MAGI2: variants seen among roughly 807,000 people sequenced by gnomAD.
MAGI2 encodes membrane-associated guanylate kinase, WW and PDZ domain-containing protein 2.
MAGI2 carries 35 observed loss-of-function variants against 133.3 expected under a neutral mutation model. The observed-to-expected ratio is 0.26, with a 90% CI of 0.20 to 0.35. MAGI2 has a LOEUF of 0.35. Among genes scored for constraint, MAGI2 ranks in the 10% least tolerant of loss-of-function variants. The pLI, the probability that MAGI2 is intolerant of heterozygous loss-of-function variation, is 1.00. For missense variants in MAGI2, 1,636 were observed against 1,863.4 expected, an observed-to-expected ratio of 0.88 and a Z score of 2.25; for synonymous variants, 729 against 710.6, an observed-to-expected ratio of 1.03 and a Z score of -0.41.
At chr7:78,208,558 G>C (rs1787359590) in intron 10 of MAGI2, among the ~76,000 whole-genome samples, 1 of 152,076 alleles carries the variant, frequency 6.6e-6, no homozygotes, top group African/African-American at 2.4e-5. Flanking sequence ...AAGATAAGGG[G>C]AATAAAGAGA....
At chr7:79,060,818 A>G (rs1156999729) in intron 1 of MAGI2, among the ~76,000 whole-genome samples, 3 of 152,106 alleles carry the variant, frequency 2.0e-5, no homozygotes, top group African/African-American at 7.2e-5. Flanking sequence ...ATATGAGTAC[A>G]ACAAATCCCA....
intron 9 of MAGI2, among the ~76,000 whole-genome samples, chr7:78,286,597 A>C (rs1226689823): frequency 6.6e-6 from 1 of 152,112 alleles, no homozygotes; most frequent in Admixed American, 6.6e-5. Context: ...TTGCAGGATT[A>C]TGATAAACTT....
intron 2 of MAGI2, among the ~76,000 whole-genome samples, chr7:78,721,716 A>C (rs1820285793): frequency 6.6e-6 from 1 of 152,036 alleles, no homozygotes; most frequent in Non-Finnish European, 1.5e-5. Context: ...GATTATATCA[A>C]GGCTGAAGGG....
At chr7:78,131,107 C>T (rs1821515556) in intron 18 of MAGI2, among the ~76,000 whole-genome samples, 1 of 152,198 alleles carries the variant, frequency 6.6e-6, no homozygotes, top group Admixed American at 6.5e-5. Context: ...TCGGGGACTG[C>T]TGGGGTGCTC....
chr7:78,515,848 G>A (rs182794812), intron 4 of MAGI2, among the ~76,000 whole-genome samples: 310 of 151,392 alleles, frequency 2.0e-3, no homozygotes, highest in Middle Eastern at 3.4e-3. Flanking sequence ...TTGGTGAACC[G>A]AGATCACACC....
intron 2 of MAGI2, among the ~76,000 whole-genome samples, chr7:78,703,945 T>C (rs1335948658): frequency 6.6e-6 from 1 of 151,848 alleles, no homozygotes; most frequent in Non-Finnish European, 1.5e-5. Context: ...AAGGCTTAAA[T>C]GTAAAACCTG....
In MAGI2 at chr7:79,146,531, T is replaced by A. The variant is rs114396923; in HGVS notation, c.302-139325A>T. On this transcript the variant is annotated intron_variant, in intron 1 of 21. Transcript: ENST00000354212. ...CTTGAATTGTAATAATCCCTACTTG[T>A]CAAGGGTGGAGCCAGGTGAAGATAA... is the stretch of plus-strand genomic sequence containing the variant. Among the ~76,000 whole-genome samples the A allele has an allele frequency of 8.3e-3, 1,269 of 152,310 alleles. 21 individuals are homozygous for A. Among genetic ancestry groups the A allele is most frequent in the African/African-American group, 0.029 (1,204 of 41,570 alleles).
intron 2 of MAGI2, among the ~76,000 whole-genome samples, chr7:78,867,719 A>AGAAAGAAAGAAG (rs1794693807): frequency 6.6e-6 from 1 of 151,976 alleles, no homozygotes; most frequent in Admixed American, 6.6e-5. Flanking sequence ...AAAGAAAGAA[A>AGAAAGAAAGAAG]GAAAATTTGA....
intron 1 of MAGI2, among the ~76,000 whole-genome samples, chr7:79,333,554 T>C (rs1291527799): frequency 6.6e-6 from 1 of 152,244 alleles, no homozygotes; most frequent in Non-Finnish European, 1.5e-5. Flanking sequence ...ATTTTACAAT[T>C]TCTTATTAAG....
At chr7:78,219,347 T>C (rs1030102323) in intron 10 of MAGI2, among the ~76,000 whole-genome samples, 5 of 152,188 alleles carry the variant, frequency 3.3e-5, no homozygotes, top group Admixed American at 6.5e-5. Flanking sequence ...TGCATATTGA[T>C]TGAATGGCTA....
At chr7:79,399,086 TTTTCTTTTC>T (rs1394413851) in intron 1 of MAGI2, among the ~76,000 whole-genome samples, 1 of 136,732 alleles carries the variant, frequency 7.3e-6, no homozygotes, top group African/African-American at 3.2e-5. Context: ...TTTCTTTTTT[TTTTCTTTTC>T]TTTTTTTTTT....
intron 2 of MAGI2, among the ~76,000 whole-genome samples, chr7:78,689,316 C>A (rs1816704919): frequency 6.6e-6 from 1 of 152,068 alleles, no homozygotes; most frequent in Non-Finnish European, 1.5e-5. Context: ...CTGTAATATT[C>A]TCAAAACTCA....
At chr7:79,312,878 G>A (rs748805515) in intron 1 of MAGI2, among the ~76,000 whole-genome samples, 22 of 152,060 alleles carry the variant, frequency 1.4e-4, no homozygotes, top group South Asian at 4.1e-4. Flanking sequence ...CAGTTGCACC[G>A]TACAGGCACC....
chr7:78,194,993 A>C lies in MAGI2; in HGVS notation c.2150T>G (p.Leu717Arg), dbSNP rs1342807955. The change falls in exon 12 of 22, where the codon CTG becomes CGG. Residue 717 changes from leucine to arginine, a missense_variant. Physicochemically the swap from Leu to Arg is moderately radical, Grantham distance 102. Coordinates refer to ENST00000354212, the MANE Select transcript of MAGI2 (RefSeq NM_012301.4). Reference protein sequence around the residue: ...SLSAPAIPQNLPFPPALHRSS... With the variant: ...SLSAPAIPQNRPFPPALHRSS... ...CCTGTGAAGGGCAGGTGGGAAGGGC[A>C]GGTTCTGCGGTATGGCCGGAGCAGA... The C allele has an allele frequency of 6.2e-7, 1 of 1,614,136 alleles. No individual in the cohort carries two copies. The highest frequency in any genetic ancestry group is 1.7e-5 in the Admixed American group (1 of 60,016).
At chr7:79,044,986 G>A (rs1812038879) in intron 1 of MAGI2, among the ~76,000 whole-genome samples, 1 of 152,176 alleles carries the variant, frequency 6.6e-6, no homozygotes, top group African/African-American at 2.4e-5. Flanking sequence ...TTACTTGAAT[G>A]TTCTTAGCAA....
At chr7:78,659,452 G>GCAAAA (rs1324855899) in intron 2 of MAGI2, among the ~76,000 whole-genome samples, 5 of 65,076 alleles carry the variant, frequency 7.7e-5, no homozygotes, top group Admixed American at 4.5e-4. Flanking sequence ...AAAAAAAAAA[G>GCAAAA]CAAAACAAAA....
Position 79,011,287 on chromosome 7 carries a change from C to T in MAGI2, c.302-4081G>A, listed in dbSNP as rs117851011. On this transcript the variant is annotated intron_variant, in intron 1 of 21. Transcript: ENST00000354212. ...CTTTGTCATTTCTATTACTTGAATA[C>T]GTAGACTGAGGAAACAAAGGAAGAA... Among the ~76,000 whole-genome samples, 943 of 152,190 alleles carry T rather than the reference C, an allele frequency of 6.2e-3. 9 individuals carry two copies. The highest frequency in any genetic ancestry group is 0.011 in the East Asian group (55 of 5,172).
chr7:78,070,600 ATATGTG>A (rs1563081630), intron 21 of MAGI2, among the ~76,000 whole-genome samples: 158 of 48,384 alleles, frequency 3.3e-3, no homozygotes, highest in Middle Eastern at 0.015. Flanking sequence ...ATATGTGTAT[ATATGTG>A]TATATATATA....
chr7:78,595,469 G>A (rs1289409360), intron 3 of MAGI2, among the ~76,000 whole-genome samples: 2 of 152,146 alleles, frequency 1.3e-5, no homozygotes, highest in African/African-American at 4.8e-5. Context: ...AAAAAGCAAA[G>A]CACTTCACGT....
Sources: allele counts gnomAD v4.1 joint callset (sites outside exome capture counted in the v4.1 genomes callset), GRCh38; gene constraint gnomAD v4.1.1; transcripts MANE v1.5; gene names NCBI Gene and HGNC (gene_info 2026-07-23, HGNC 2026-07-21).